The following CNTFR variants were observed in gnomAD, a reference collection of about 807,000 sequenced individuals.
CNTFR encodes the protein ciliary neurotrophic factor receptor subunit alpha.
A neutral mutation model predicts 40.4 loss-of-function variants in CNTFR; 12 were observed. That is an observed-to-expected ratio of 0.30 (90% CI 0.19 to 0.48). The LOEUF (loss-of-function observed/expected upper bound fraction) is 0.48, where lower values mean the gene tolerates loss of function less well. CNTFR is among the 20% of genes least tolerant of loss of function. The pLI, the probability that CNTFR is intolerant of heterozygous loss-of-function variation, is 0.99. For missense variants in CNTFR, 414 were observed against 506.8 expected (o/e 0.82, Z 1.76); for synonymous variants, 202 against 209.6 (o/e 0.96, Z 0.31).
At chr9:34,584,694 C>T (rs1827467538) in intron 1 of CNTFR, among the ~76,000 whole-genome samples, 2 of 152,186 alleles carry the variant, frequency 1.3e-5, no homozygotes, top group African/African-American at 2.4e-5. Context: ...GAAACTCACA[C>T]CTAGAGGGTA....
Position 34,557,451 on chromosome 9 carries a change from A to G in CNTFR, c.604+75T>C. 6.5e-7 allele frequency: 1 copy of G among 1,529,780 alleles called. No individual in the cohort carries two copies. Among genetic ancestry groups the G allele is most frequent in the East Asian group, 2.3e-5 (1 of 43,632 alleles). The allele number at this position is 1,529,780 out of a possible 1,614,324, so 94.8% of individuals were successfully genotyped here. On this transcript the variant is annotated intron_variant, in intron 6 of 9. Coordinates refer to ENST00000378980, the MANE Select transcript of CNTFR (RefSeq NM_147164.3). The surrounding 1 kb of genome is among the most constrained non-coding windows in gnomAD (Gnocchi z 4.2). ...TGTATACATGTGCATGCATGTGGAC[A>G]TCCCCACCAATGGCACACATCCACT...
intron 1 of CNTFR, among the ~76,000 whole-genome samples, chr9:34,584,415 T>C (rs1827457191): frequency 1.3e-5 from 2 of 152,228 alleles, no homozygotes; most frequent in African/African-American, 4.8e-5. Flanking sequence ...GTGTGTTTCT[T>C]CCTCTCTGTC....
rs1298956549 is a variant in CNTFR at position 34,552,373 on chromosome 9, C to A, written c.950-44G>T. 6.6e-7 allele frequency: 1 copy of A among 1,510,246 alleles called. No homozygotes were observed. Among genetic ancestry groups the A allele is most frequent in the Non-Finnish European group, 8.8e-7 (1 of 1,130,394 alleles). 93.6% of individuals were successfully genotyped at this position (1,510,246 alleles called of 1,614,324 possible). ...ACTCAGGGCAAGGCCAGGGCTGGGT[C>A]CCATCCAGATCTGGGGGCTCATGAG... is the stretch of plus-strand genomic sequence containing the variant. On this transcript the variant is annotated intron_variant, in intron 8 of 9. Transcript: ENST00000378980. The surrounding 1 kb of genome is among the most constrained non-coding windows in gnomAD (Gnocchi z 5.1).
rs145830233 is a variant in CNTFR at position 34,564,630 on chromosome 9, G to T, written c.288C>A (p.His96Gln). 807 of 1,612,682 alleles carry T rather than the reference G, an allele frequency of 5.0e-4. 1 individual carries two copies. The highest frequency in any genetic ancestry group is 6.2e-4 in the Non-Finnish European group (733 of 1,179,498). Reference sequence around the variant, plus strand: ...CATGCAGCAGGACTTGGTGGCGCAGGTGCCAGGAGTCACGGTGGAAGCAGG... The same window carrying T: ...CATGCAGCAGGACTTGGTGGCGCAGTTGCCAGGAGTCACGGTGGAAGCAGG... ...LYACFHRDSW[H>Q]LRHQVLLHVG... Residue 96 changes from histidine to glutamine, a missense_variant, in exon 4 of 10, where the codon CAC becomes CAA. His to Gln is a conservative substitution (Grantham distance 24). Around this residue, in one of 3 missense-constraint regions of CNTFR, gnomAD observed 250 missense variants for 269.5 expected, o/e 0.93. Coordinates refer to ENST00000378980, the MANE Select transcript of CNTFR (RefSeq NM_147164.3).
At chr9:34,559,552 C>T (rs963089860) in intron 4 of CNTFR, among the ~76,000 whole-genome samples, 3 of 152,186 alleles carry the variant, frequency 2.0e-5, no homozygotes, top group Non-Finnish European at 4.4e-5. Flanking sequence ...CATGTCGTTC[C>T]ATGTTCATCC....
intron 3 of CNTFR, among the ~76,000 whole-genome samples, chr9:34,565,811 T>C (rs1298277051): frequency 1.3e-5 from 2 of 151,730 alleles, no homozygotes; most frequent in South Asian, 2.1e-4. Flanking sequence ...CACACAGAGA[T>C]AGGGAGATGG....
chr9:34,551,753 C>T lies in CNTFR; in HGVS notation c.*318G>A. The T allele has an allele frequency of 3.6e-6, 2 of 554,944 alleles. No homozygotes were observed. Among genetic ancestry groups the T allele is most frequent in the Non-Finnish European group, 6.5e-6 (2 of 309,330 alleles). The allele number at this position is 554,944 out of a possible 1,614,324, so 34.4% of individuals were successfully genotyped here. A position where few individuals can be genotyped will look rare whatever the true frequency, so the allele number is the denominator to read the frequency against. On this transcript the variant is annotated 3_prime_UTR_variant, in exon 10 of 10. Transcript: ENST00000378980. ...AGGAGGAGAAATCGGATGTGAGAGG[C>T]TCCCCTCACGTCCCCCAAGGGCTCC...
At chr9:34,582,773 G>T in intron 1 of CNTFR, 1 of 152,362 alleles carries the variant, frequency 6.6e-6, no homozygotes. Flanking sequence ...GGACACATTA[G>T]GCCAAAGAAT....
chr9:34,553,162 C>G (rs1825705482), intron 7 of CNTFR, among the ~76,000 whole-genome samples: 1 of 152,118 alleles, frequency 6.6e-6, no homozygotes. Context: ...TGCTGTTGCC[C>G]CTGCTCTCTC....
chr9:34,580,818 C>T (rs1345278206), intron 2 of CNTFR, among the ~76,000 whole-genome samples: 1 of 152,204 alleles, frequency 6.6e-6, no homozygotes, highest in Admixed American at 6.5e-5. Context: ...AACATACTCC[C>T]ATATCTGGGA....
chr9:34,551,897 G>A lies in CNTFR; in HGVS notation c.*174C>T, dbSNP rs888027384. The A allele has an allele frequency of 2.8e-6, 2 of 702,098 alleles. No individual in the cohort carries two copies. The highest frequency in any genetic ancestry group is 1.7e-5 in the African/African-American group (1 of 57,190). 43.5% of individuals were successfully genotyped at this position (702,098 alleles called of 1,614,324 possible). On this transcript the variant is annotated 3_prime_UTR_variant, in exon 10 of 10. Coordinates refer to ENST00000378980, the MANE Select transcript of CNTFR (RefSeq NM_147164.3). ...GGAGGAAGGAGGGCCAGCTTGGTGC[G>A]GCAGGGCTGGGGGGCGGCAGGCCCG... is the stretch of plus-strand genomic sequence containing the variant.
At chr9:34,553,108 C>T (rs372498944) in intron 7 of CNTFR, among the ~76,000 whole-genome samples, 2 of 152,170 alleles carry the variant, frequency 1.3e-5, no homozygotes, top group African/African-American at 4.8e-5. Context: ...ACCAGAAACA[C>T]CTCAGGGGAG....
intron 1 of CNTFR, among the ~76,000 whole-genome samples, chr9:34,587,901 A>G (rs931133852): frequency 1.3e-5 from 2 of 152,042 alleles, no homozygotes; most frequent in African/African-American, 2.4e-5. Context: ...CAGAGTTCCA[A>G]TGTGAGTCTA....
At chr9:34,568,313 G>A (rs1166539484) in intron 3 of CNTFR, among the ~76,000 whole-genome samples, 2 of 152,178 alleles carry the variant, frequency 1.3e-5, no homozygotes, top group African/African-American at 4.8e-5. Context: ...TGGAGAAATA[G>A]GTAAAGGGAG....
chr9:34,577,840 A>G, intron 2 of CNTFR, among the ~76,000 whole-genome samples: 1 of 112,684 alleles, frequency 8.9e-6, no homozygotes, highest in Non-Finnish European at 1.8e-5. Flanking sequence ...AGAGAAGAGA[A>G]AAGAAGAGAG....
chr9:34,556,192 T>C lies in CNTFR; in HGVS notation c.768+63A>G. 1.9e-6 allele frequency: 3 copies of C among 1,543,212 alleles called. No individual in the cohort carries two copies. In the South Asian group the frequency reaches 3.5e-5, roughly 18 times the overall value. On this transcript the variant is annotated intron_variant, in intron 7 of 9. Coordinates refer to ENST00000378980, the MANE Select transcript of CNTFR (RefSeq NM_147164.3). Reference sequence around the variant, plus strand: ...GAGCTGCTGCCACGTGGGATATGGGTGCCACTCACTGCACATGATTCTAAC... The same window carrying C: ...GAGCTGCTGCCACGTGGGATATGGGCGCCACTCACTGCACATGATTCTAAC...
rs112702512 is a variant in CNTFR at position 34,551,448 on chromosome 9, G to A, written c.*623C>T. The A allele has an allele frequency of 0.011, 1,846 of 160,588 alleles. 20 individuals are homozygous for A. The highest frequency in any genetic ancestry group is 0.019 in the Non-Finnish European group (1,376 of 72,150). The allele number at this position is 160,588 out of a possible 1,614,324, so 9.9% of individuals were successfully genotyped here. On this transcript the variant is annotated 3_prime_UTR_variant, in exon 10 of 10. Coordinates refer to ENST00000378980, the MANE Select transcript of CNTFR (RefSeq NM_147164.3). ...TTCCAAGGACTCATGAAATGGTGAC[G>A]TTTAATGAGAACCGCCCACTCCCCC...
In CNTFR at chr9:34,578,483, C is replaced by G. The variant is rs1587165656; in HGVS notation, c.-1+2612G>C. Among the ~76,000 whole-genome samples, 3 of 152,310 alleles carry G rather than the reference C, an allele frequency of 2.0e-5. 1 individual carries two copies. In the Middle Eastern group the frequency reaches 0.01, roughly 518 times the overall value. ...CTTTCCCCTCCCAAGGAGAAGTTGC[C>G]GCAGGCCAACTCGGGCAGACCACTG... On this transcript the variant is annotated intron_variant, in intron 2 of 9. Transcript: ENST00000378980.
intron 2 of CNTFR, among the ~76,000 whole-genome samples, chr9:34,577,613 A>G (rs1827043904): frequency 1.3e-5 from 2 of 152,234 alleles, no homozygotes; most frequent in South Asian, 4.1e-4. Context: ...CCCTCTGTCT[A>G]GATGTCACCC....
Sources: allele counts gnomAD v4.1 joint callset (sites outside exome capture counted in the v4.1 genomes callset), GRCh38; gene constraint gnomAD v4.1.1; regional missense constraint gnomAD v4.1.1; non-coding constraint Gnocchi (gnomAD v3.1); transcripts MANE v1.5; gene names NCBI Gene and HGNC (gene_info 2026-07-23, HGNC 2026-07-21).